PRDM8: variants seen among roughly 807,000 people sequenced by gnomAD.
PRDM8 encodes the protein PR domain zinc finger protein 8.
PRDM8 carries 13 observed loss-of-function variants against 46.5 expected under a neutral mutation model. The observed-to-expected ratio is 0.28, with a 90% CI of 0.18 to 0.44. The LOEUF is 0.44. Among genes scored for constraint, PRDM8 ranks in the 20% least tolerant of loss-of-function variants. The probability of loss-of-function intolerance (pLI) is 1.00; values close to 1 mark genes in which losing one functional copy is unlikely to be tolerated. For synonymous variants in PRDM8, 473 were observed against 438.4 expected (o/e 1.08, Z -0.98); for missense variants, 998 against 955.0 (o/e 1.04, Z -0.59).
upstream of PRDM8, chr4:80,194,117 T>C: frequency 1.4e-6 from 1 of 711,360 alleles, no homozygotes; most frequent in Non-Finnish European, 1.7e-6. Context: ...ACTTAGGTCA[T>C]AAAAGCCACC....
In PRDM8 at chr4:80,202,257, C is replaced by G. The variant is rs778848425; in HGVS notation, c.795C>G (p.Ala265=). ...CATCCACAGACTTCCACAACCTGGC[C>G]AGGGAGCTGGAAAACTCCCGGGGAG... The part of the protein sequence containing the change: ...AKPSTDFHNL[A]RELENSRGGS... Residue 265 remains alanine (A), a synonymous_variant, in exon 4 of 4, where the codon GCC becomes GCG. Transcript: ENST00000415738. The G allele has an allele frequency of 2.5e-6, 4 of 1,611,850 alleles. No individual in the cohort carries two copies. Among genetic ancestry groups the G allele is most frequent in the South Asian group, 1.1e-5 (1 of 91,046 alleles).
Position 80,204,221 on chromosome 4 carries a change from C to G in PRDM8, c.*689C>G, listed in dbSNP as rs1166511990. ...TAATTTTGTGCCAGTGAAATGGAGT[C>G]TGAATAGTTATGTGTTTCTTTTATC... On this transcript the variant is annotated 3_prime_UTR_variant, in exon 4 of 4. Transcript: ENST00000415738. The G allele has an allele frequency of 6.6e-6, 1 of 152,578 alleles. No homozygotes were observed. The highest frequency in any genetic ancestry group is 1.5e-5 in the Non-Finnish European group (1 of 68,030). The allele number at this position is 152,578 out of a possible 1,614,324, so 9.5% of individuals were successfully genotyped here. A position where few individuals can be genotyped will look rare whatever the true frequency, so the allele number is the denominator to read the frequency against.
At chr4:80,196,737 A>AAAAC (rs572598733), upstream of PRDM8, 331 of 876,236 alleles carry the variant, frequency 3.8e-4, 1 homozygote, top group African/African-American at 6.1e-3. Context: ...CACGAAAACA[A>AAAAC]AAACAAACAA....
At chr4:80,198,116 G>C (rs1216221754) in intron 1 of PRDM8, among the ~76,000 whole-genome samples, 1 of 152,242 alleles carries the variant, frequency 6.6e-6, no homozygotes, top group Admixed American at 6.5e-5. Context: ...GCTGTGAAAC[G>C]TTGCGTGGCA....
intron 1 of PRDM8, among the ~76,000 whole-genome samples, chr4:80,187,699 C>A (rs902550602): frequency 2.0e-4 from 31 of 152,288 alleles, no homozygotes; most frequent in African/African-American, 7.2e-4. Flanking sequence ...TTGGGTTATG[C>A]CCCTTCTCTA....
At chr4:80,192,731 G>A (rs1307073927), upstream of PRDM8, among the ~76,000 whole-genome samples, 4 of 152,192 alleles carry the variant, frequency 2.6e-5, no homozygotes, top group Non-Finnish European at 4.4e-5. Flanking sequence ...GGAGAACCCA[G>A]GGGGTTGAAA....
intron 3 of PRDM8, 135 bp from the exon 4 acceptor site, chr4:80,201,779 C>A: frequency 1.5e-6 from 2 of 1,309,090 alleles, no homozygotes. Context: ...GGCACTCAGG[C>A]CCTGAGAAAT....
At chr4:80,197,072 G>A, upstream of PRDM8, 1 of 985,446 alleles carries the variant, frequency 1.0e-6, no homozygotes, top group Non-Finnish European at 1.2e-6. Context: ...AGAATCCCTG[G>A]AGCTAACCGC....
chr4:80,192,534 G>A (rs184746017), upstream of PRDM8, among the ~76,000 whole-genome samples: 223 of 152,292 alleles, frequency 1.5e-3, no homozygotes, highest in Admixed American at 5.5e-3. Flanking sequence ...GACCCAGAGG[G>A]TAAGGAGGTT....
chr4:80,198,988 TTTTTTG>T lies in PRDM8; in HGVS notation c.-2-1085_-2-1080del, dbSNP rs1738201625. 8.2e-4 allele frequency among the ~76,000 whole-genome samples: 83 copies of T among 101,162 alleles called. 1 individual carries two copies. The highest frequency in any genetic ancestry group is 2.1e-3 in the African/African-American group (41 of 19,670). 66.4% of individuals were successfully genotyped at this position (101,162 alleles called of 152,430 possible). A position where few individuals can be genotyped will look rare whatever the true frequency, so the allele number is the denominator to read the frequency against. On this transcript the variant is annotated intron_variant, in intron 1 of 3. Transcript: ENST00000415738. Reference sequence around the variant, plus strand: ...TACCTGGGTTTTTTTGGGTTTTTTTTTTTTTGTTTTTTTTTTTTTTTTTTTTTTTTA... The same window carrying T: ...TACCTGGGTTTTTTTGGGTTTTTTTTTTTTTTTTTTTTTTTTTTTTTTTTA...
At position 80,202,713 on chromosome 4, in the gene PRDM8, C is replaced by A. The variant is rs1377717218; in HGVS notation, c.1251C>A (p.Gly417=). 7.7e-7 allele frequency: 1 copy of A among 1,299,844 alleles called. No individual in the cohort carries two copies. The highest frequency in any genetic ancestry group is 4.1e-5 in the Admixed American group (1 of 24,186). The allele number at this position is 1,299,844 out of a possible 1,614,324, so 80.5% of individuals were successfully genotyped here. Residue 417 remains glycine, a synonymous_variant, in exon 4 of 4, where the codon GGC becomes GGA. Transcript: ENST00000415738. ...AGVASEDQDA[G]GGGGSSTPAA... ...TCGCCTCCGAGGACCAGGACGCTGG[C>A]GGCGGCGGCGGCTCCTCCACGCCCG...
At chr4:80,194,928 C>T (rs1051489963), upstream of PRDM8, among the ~76,000 whole-genome samples, 2 of 152,142 alleles carry the variant, frequency 1.3e-5, no homozygotes, top group Admixed American at 1.3e-4. Context: ...TTTATACAAA[C>T]TGGAGTCAAG....
intron 2 of PRDM8, chr4:80,191,682 T>C (rs1014958854): frequency 2.0e-5 from 3 of 152,230 alleles, no homozygotes; most frequent in African/African-American, 7.2e-5. Flanking sequence ...AGGAAAGACT[T>C]ACATTGGTAG....
intron 1 of PRDM8, among the ~76,000 whole-genome samples, chr4:80,199,737 G>GTGTGTGTGTA (rs1553905032): frequency 0.026 from 3,697 of 140,396 alleles, 66 homozygotes; most frequent in East Asian, 0.1. Context: ...GTGTGTGTGT[G>GTGTGTGTGTA]TACATATATA....
upstream of PRDM8, chr4:80,197,298 G>A: frequency 3.1e-6 from 3 of 973,770 alleles, no homozygotes; most frequent in Non-Finnish European, 3.7e-6. Context: ...GGCGGGCCGG[G>A]ACGCTCTCTG....
rs766926830 is a variant in PRDM8, at chr4:80,202,923, C to G, written c.1461C>G (p.Gly487=). ...GCGCCGGGGCCGCAGGCGGCGCGGGCGGGGGCCAGGGCGCCGCGTCGGACG... is the reference window on the plus strand; with the variant it reads ...GCGCCGGGGCCGCAGGCGGCGCGGGGGGGGGCCAGGGCGCCGCGTCGGACG... ...GTGAGAAGGA[G]GGQGAASDER... is the part of the protein sequence containing the mutation. The change falls in exon 4 of 4, where the codon GGC becomes GGG. Residue 487 remains glycine (G), a synonymous_variant. Transcript: ENST00000415738. The G allele has an allele frequency of 3.7e-5, 51 of 1,381,924 alleles. No homozygotes were observed. Among genetic ancestry groups the G allele is most frequent in the South Asian group, 1.0e-4 (6 of 58,758 alleles). 85.6% of individuals were successfully genotyped at this position (1,381,924 alleles called of 1,614,324 possible).
At chr4:80,186,677 T>G (rs922338632) in intron 1 of PRDM8, among the ~76,000 whole-genome samples, 2 of 152,172 alleles carry the variant, frequency 1.3e-5, no homozygotes, top group African/African-American at 4.8e-5. Flanking sequence ...GAAAACCAAT[T>G]AAAAGTTTCT....
chr4:80,202,454 G>A lies in PRDM8; in HGVS notation c.992G>A (p.Gly331Glu), dbSNP rs1177151496. 7.1e-6 allele frequency: 11 copies of A among 1,543,048 alleles called. No homozygotes were observed. Among genetic ancestry groups the A allele is most frequent in the South Asian group, 4.8e-5 (4 of 83,882 alleles). ...AEGGGGAGLV[G>E]GRGRFVERPL... is the part of the protein sequence containing the mutation. ...GGCGGCGGTGGCGCTGGTCTGGTAG[G>A]GGGCCGGGGCCGCTTCGTAGAGCGG... The change falls in exon 4 of 4, where the codon GGG becomes GAG. Residue 331 changes from glycine (G) to glutamate (E), a missense_variant. Gly to Glu is a moderately conservative substitution (Grantham distance 98). Coordinates refer to ENST00000415738, the MANE Select transcript of PRDM8 (RefSeq NM_001099403.2).
Position 80,202,540 on chromosome 4 carries a change from A to G in PRDM8, c.1078A>G (p.Ser360Gly). The change falls in exon 4 of 4, where the codon AGC becomes GGC. Residue 360 changes from serine (S) to glycine (G), a missense_variant. Ser to Gly is a moderately conservative substitution (Grantham distance 56). Transcript: ENST00000415738. ...CTPQQYRASG[S>G]YFGLEENGRL... ...ACCGCAGCAGTACCGAGCCTCGGGC[A>G]GCTACTTCGGCCTGGAAGAGAACGG... 4 of 1,519,660 alleles carry G rather than the reference A, an allele frequency of 2.6e-6. No homozygotes were observed. Among genetic ancestry groups the G allele is most frequent in the Non-Finnish European group, 3.5e-6 (4 of 1,137,842 alleles). The allele number at this position is 1,519,660 out of a possible 1,614,324, so 94.1% of individuals were successfully genotyped here.
Sources: gnomAD v4.1 joint callset for allele counts (sites outside exome capture counted in the v4.1 genomes callset) on GRCh38, gnomAD v4.1.1 for gene constraint, MANE v1.5 for transcripts, NCBI Gene and HGNC (gene_info 2026-07-23, HGNC 2026-07-21) for gene names.